DLGAP1: variants seen among roughly 807,000 people sequenced by gnomAD.
DLGAP1 encodes DLG associated protein 1.
Under a neutral mutation model 90.8 loss-of-function variants are expected in DLGAP1, and 11 were observed. That is an observed-to-expected ratio of 0.12 (90% CI 0.08 to 0.20). The LOEUF (loss-of-function observed/expected upper bound fraction) is 0.20, where lower values mean the gene tolerates loss of function less well. Ranked by LOEUF, DLGAP1 falls within the 10% of genes least tolerant of loss-of-function variation. The probability of loss-of-function intolerance (pLI) is 1.00; values close to 1 mark genes in which losing one functional copy is unlikely to be tolerated. For missense variants in DLGAP1, 1,050 were observed against 1,333.8 expected (o/e 0.79, Z 3.31); for synonymous variants, 558 against 540.7 (o/e 1.03, Z -0.44).
intron 1 of DLGAP1, among the ~76,000 whole-genome samples, chr18:4,273,815 T>TC (rs2079341290): frequency 6.6e-6 from 1 of 152,262 alleles, no homozygotes; most frequent in African/African-American, 2.4e-5. Flanking sequence ...CATAGTATTT[T>TC]CTTACAATGC....
intron 2 of DLGAP1, among the ~76,000 whole-genome samples, chr18:4,068,370 T>A (rs1203558909): frequency 1.3e-5 from 2 of 151,538 alleles, no homozygotes; most frequent in Admixed American, 6.6e-5. Context: ...TATGTTTATG[T>A]ACGTAGGCAT....
At chr18:3,815,758 GA>G (rs1189074560) in intron 4 of DLGAP1, among the ~76,000 whole-genome samples, 8 of 151,454 alleles carry the variant, frequency 5.3e-5, no homozygotes, top group African/African-American at 7.3e-5. Flanking sequence ...TTCATGACGT[GA>G]AAAAAAATGC....
chr18:4,385,925 G>A (rs1015795934), intron 1 of DLGAP1, among the ~76,000 whole-genome samples: 18 of 152,094 alleles, frequency 1.2e-4, no homozygotes, highest in African/African-American at 3.4e-4. Flanking sequence ...TAGGTATTTA[G>A]AGGAAAGCTT....
intron 1 of DLGAP1, among the ~76,000 whole-genome samples, chr18:4,190,470 C>T (rs905829385): frequency 4.6e-5 from 7 of 152,106 alleles, no homozygotes; most frequent in Middle Eastern, 3.4e-3. Flanking sequence ...ATTATACACT[C>T]GTCAAAATCC....
chr18:4,377,448 C>T (rs1039469583), intron 1 of DLGAP1, among the ~76,000 whole-genome samples: 1 of 152,102 alleles, frequency 6.6e-6, no homozygotes, highest in Non-Finnish European at 1.5e-5. Context: ...TAGTGATTGG[C>T]CATGGTTTTG....
intron 1 of DLGAP1, among the ~76,000 whole-genome samples, chr18:4,237,356 G>C (rs2078438755): frequency 1.3e-5 from 2 of 152,054 alleles, no homozygotes; most frequent in South Asian, 2.1e-4. Context: ...GCGCAGTCTT[G>C]GTATGATGAT....
At chr18:3,975,580 C>T (rs942989021) in intron 3 of DLGAP1, among the ~76,000 whole-genome samples, 3 of 152,082 alleles carry the variant, frequency 2.0e-5, no homozygotes, top group Non-Finnish European at 4.4e-5. Flanking sequence ...TGGGTATATA[C>T]TGCAAAAAAT....
intron 2 of DLGAP1, among the ~76,000 whole-genome samples, chr18:4,062,957 T>C (rs539095162): frequency 3.6e-4 from 55 of 152,260 alleles, no homozygotes; most frequent in Non-Finnish European, 7.5e-4. Flanking sequence ...ATATTAAAGA[T>C]TTCATTGCTT....
intron 3 of DLGAP1, among the ~76,000 whole-genome samples, chr18:3,956,229 A>G (rs1036904595): frequency 6.6e-6 from 1 of 152,254 alleles, no homozygotes; most frequent in African/African-American, 2.4e-5. Flanking sequence ...TAGATTGCTC[A>G]CAGGAGCAAT....
intron 1 of DLGAP1, among the ~76,000 whole-genome samples, chr18:4,415,719 G>A (rs2082885307): frequency 6.6e-6 from 1 of 152,064 alleles, no homozygotes; most frequent in Non-Finnish European, 1.5e-5. Flanking sequence ...CTTGGGCTAA[G>A]TTTTTTTACT....
chr18:4,057,785 A>T (rs2075243685), intron 2 of DLGAP1, among the ~76,000 whole-genome samples: 1 of 152,190 alleles, frequency 6.6e-6, no homozygotes, highest in Non-Finnish European at 1.5e-5. Context: ...ATACTTTGGC[A>T]CTGTGACTTG....
At chr18:4,165,029 T>C (rs1461095066) in intron 1 of DLGAP1, among the ~76,000 whole-genome samples, 1 of 152,074 alleles carries the variant, frequency 6.6e-6, no homozygotes, top group Admixed American at 6.5e-5. Context: ...AAAATCCAAA[T>C]TCATATCCTT....
At chr18:3,703,379 A>G (rs2061340551) in intron 7 of DLGAP1, among the ~76,000 whole-genome samples, 1 of 152,276 alleles carries the variant, frequency 6.6e-6, no homozygotes, top group South Asian at 2.1e-4. Flanking sequence ...GCAAGAAAAC[A>G]TGAGAAGTAT....
At chr18:3,980,128 T>G (rs2073693346) in intron 3 of DLGAP1, among the ~76,000 whole-genome samples, 1 of 151,812 alleles carries the variant, frequency 6.6e-6, no homozygotes. Context: ...AAAGCGAGAC[T>G]TCATCTCAAA....
chr18:3,963,754 G>A (rs2073258411), intron 3 of DLGAP1, among the ~76,000 whole-genome samples: 1 of 151,910 alleles, frequency 6.6e-6, no homozygotes, highest in Non-Finnish European at 1.5e-5. Context: ...TATCTTCTAT[G>A]GGATCTCTAG....
At chr18:3,598,386 C>T (rs2056708747) in intron 7 of DLGAP1, 1 of 151,672 alleles carries the variant, frequency 6.6e-6, no homozygotes, top group Admixed American at 6.6e-5. Flanking sequence ...CATTATCCAA[C>T]TTTGTCACTG....
Position 4,395,715 on chromosome 18 carries a change from T to A in DLGAP1, c.-267+59291A>T, listed in dbSNP as rs538280510. 2.6e-5 allele frequency among the ~76,000 whole-genome samples: 4 copies of A among 152,336 alleles called. No individual in the cohort carries two copies. In the South Asian group the frequency reaches 6.2e-4, roughly 24 times the overall value. On this transcript the variant is annotated intron_variant, in intron 1 of 12. Coordinates refer to ENST00000315677, the MANE Select transcript of DLGAP1 (RefSeq NM_004746.4). The stretch of plus-strand genomic sequence containing the variant: ...TTGAATACAAGCGTTTATAACAGAA[T>A]CTACTTAAGTCCATACCCATTAAAT...
intron 4 of DLGAP1, among the ~76,000 whole-genome samples, chr18:3,846,874 G>C (rs1450789739): frequency 1.3e-5 from 2 of 152,068 alleles, no homozygotes; most frequent in African/African-American, 4.8e-5. Context: ...CTTAGATCTT[G>C]GTGATGGTTG....
At chr18:3,741,638 C>T (rs1047480090) in intron 6 of DLGAP1, among the ~76,000 whole-genome samples, 2 of 152,136 alleles carry the variant, frequency 1.3e-5, no homozygotes, top group African/African-American at 4.8e-5. Context: ...ATCACCAACA[C>T]ACCAACATCA....
Sources: gnomAD v4.1 joint callset for allele counts (sites outside exome capture counted in the v4.1 genomes callset) on GRCh38, gnomAD v4.1.1 for gene constraint, MANE v1.5 for transcripts, NCBI Gene and HGNC (gene_info 2026-07-23, HGNC 2026-07-21) for gene names.